Variants in GCNT1 observed in about 807,000 individuals in gnomAD.
The protein encoded by GCNT1 is beta-1,3-galactosyl-O-glycosyl-glycoprotein beta-1,6-N-acetylglucosaminyltransferase.
In GCNT1, 16 loss-of-function variants were observed where a neutral mutation model predicts 26.2. The observed-to-expected ratio is 0.61, with a 90% CI of 0.41 to 0.93. GCNT1 has a LOEUF of 0.93. GCNT1 is among the 40% of genes least tolerant of loss of function. GCNT1 has a pLI of 0.00. For synonymous variants in GCNT1, 183 were observed against 190.8 expected (o/e 0.96, Z 0.34); for missense variants, 477 against 526.7 (o/e 0.91, Z 0.92).
chr9:76,394,253 G>A, the GCNT1 span: 1 of 1,410,486 alleles, frequency 7.1e-7, no homozygotes, highest in Non-Finnish European at 9.6e-7. Flanking sequence ...CCAGACCCCG[G>A]ACCAGCCGGG....
At chr9:76,439,125 A>G (rs908937649), upstream of GCNT1, among the ~76,000 whole-genome samples, 3 of 152,204 alleles carry the variant, frequency 2.0e-5, no homozygotes, top group African/African-American at 7.2e-5. Context: ...TTCCCAGACC[A>G]GTAGCTTCAG....
upstream of GCNT1, among the ~76,000 whole-genome samples, chr9:76,415,271 G>A (rs1317733921): frequency 6.6e-6 from 1 of 152,058 alleles, no homozygotes; most frequent in Non-Finnish European, 1.5e-5. Flanking sequence ...TGCTCAGGCT[G>A]GTCTTGAATT....
At chr9:76,486,784 G>A (rs1824589014) in intron 2 of GCNT1, among the ~76,000 whole-genome samples, 1 of 152,126 alleles carries the variant, frequency 6.6e-6, no homozygotes, top group African/African-American at 2.4e-5. Flanking sequence ...CAAAAGAGAA[G>A]AAAGAATAGG....
At chr9:76,393,965 G>A in the GCNT1 span, 4 of 818,726 alleles carry the variant, frequency 4.9e-6, no homozygotes, top group African/African-American at 1.8e-5. Context: ...GATGCGGGAG[G>A]AGGAAGGGTG....
intron 2 of GCNT1, among the ~76,000 whole-genome samples, chr9:76,462,163 G>C (rs1246674870): frequency 2.0e-5 from 3 of 149,794 alleles, no homozygotes; most frequent in Admixed American, 2.0e-4. Flanking sequence ...TTTTTATAGA[G>C]CCAACCAAGG....
the GCNT1 span, among the ~76,000 whole-genome samples, chr9:76,402,599 T>A: frequency 6.6e-6 from 1 of 152,176 alleles, no homozygotes; most frequent in Admixed American, 6.5e-5. Context: ...GATCACCTTT[T>A]CTGAAAGAGT....
chr9:76,415,268 G>A (rs902655014), upstream of GCNT1, among the ~76,000 whole-genome samples: 1 of 152,076 alleles, frequency 6.6e-6, no homozygotes, highest in African/African-American at 2.4e-5. Flanking sequence ...TGTTGCTCAG[G>A]CTGGTCTTGA....
chr9:76,393,947 G>T, the GCNT1 span: 2 of 739,138 alleles, frequency 2.7e-6, no homozygotes, highest in Admixed American at 2.9e-5. Context: ...CTCCGCCACA[G>T]ACAAGGGGAT....
At chr9:76,482,570 G>A (rs955479216) in intron 2 of GCNT1, among the ~76,000 whole-genome samples, 2 of 151,850 alleles carry the variant, frequency 1.3e-5, no homozygotes, top group Admixed American at 6.6e-5. Flanking sequence ...CTTGCAGTGA[G>A]CCAAGATTGC....
chr9:76,493,355 C>G (rs1824803391), intron 2 of GCNT1, among the ~76,000 whole-genome samples: 1 of 152,178 alleles, frequency 6.6e-6, no homozygotes, highest in South Asian at 2.1e-4. Flanking sequence ...CAGCTGAAGC[C>G]ACATTCCTTT....
intron 1 of GCNT1, among the ~76,000 whole-genome samples, chr9:76,425,463 T>G (rs1823248435): frequency 6.6e-6 from 1 of 152,102 alleles, no homozygotes; most frequent in Non-Finnish European, 1.5e-5. Context: ...CCTCAGGTGA[T>G]CCACCCACCT....
At chr9:76,459,610 C>T (rs1468061923) in intron 1 of GCNT1, among the ~76,000 whole-genome samples, 1 of 152,200 alleles carries the variant, frequency 6.6e-6, no homozygotes, top group African/African-American at 2.4e-5. Context: ...GAGGGGTTGG[C>T]TGCGGGCGTG....
At chr9:76,396,300 T>G in the GCNT1 span, among the ~76,000 whole-genome samples, 26 of 152,114 alleles carry the variant, frequency 1.7e-4, no homozygotes, top group Admixed American at 1.7e-3. Flanking sequence ...CCTAAACGTA[T>G]AAAAATGGGC....
Position 76,502,888 on chromosome 9 carries a change from C to T in GCNT1, c.507C>T (p.Ile169=), listed in dbSNP as rs1400208240. ...EDSYLAAVMG[I]ASCFSNVFVA... ...CCTATTTAGCTGCAGTGATGGGCATCGCTTCCTGTTTTAGTAATGTCTTTG... is the reference window on the plus strand; with the variant it reads ...CCTATTTAGCTGCAGTGATGGGCATTGCTTCCTGTTTTAGTAATGTCTTTG... The change falls in exon 4 of 4, where the codon ATC becomes ATT. Residue 169 remains isoleucine (I), a synonymous_variant. Coordinates refer to ENST00000376730, the MANE Select transcript of GCNT1 (RefSeq NM_001490.5). 10 of 1,613,866 alleles carry T rather than the reference C, an allele frequency of 6.2e-6. No individual in the cohort carries two copies. The highest frequency in any genetic ancestry group is 1.6e-4 in the Middle Eastern group (1 of 6,082).
At chr9:76,440,487 G>A (rs1362208911), upstream of GCNT1, among the ~76,000 whole-genome samples, 1 of 152,192 alleles carries the variant, frequency 6.6e-6, no homozygotes, top group Non-Finnish European at 1.5e-5. Context: ...CATGTTTCCA[G>A]TGTGTCCTCA....
At chr9:76,494,726 A>G (rs1484632668) in intron 2 of GCNT1, among the ~76,000 whole-genome samples, 2 of 152,158 alleles carry the variant, frequency 1.3e-5, no homozygotes, top group Admixed American at 6.6e-5. Context: ...AGAGAGCAAG[A>G]AGTTTGTCTG....
chr9:76,505,064 T>C lies in GCNT1; in HGVS notation c.*1396T>C, dbSNP rs1825202387. ...AAAAGAAATTCTCGTACTTTTGCCATGTTGATACTGTTCAGCAAACAAGCT... is the reference window on the plus strand; with the variant it reads ...AAAAGAAATTCTCGTACTTTTGCCACGTTGATACTGTTCAGCAAACAAGCT... On this transcript the variant is annotated 3_prime_UTR_variant, in exon 4 of 4. Coordinates refer to ENST00000376730, the MANE Select transcript of GCNT1 (RefSeq NM_001490.5). 7.3e-6 allele frequency: 3 copies of C among 412,312 alleles called. No homozygotes were observed. The highest frequency in any genetic ancestry group is 1.3e-5 in the Non-Finnish European group (3 of 225,996). The allele number at this position is 412,312 out of a possible 1,614,324, so 25.5% of individuals were successfully genotyped here.
chr9:76,432,399 G>A (rs1241264504), intron 1 of GCNT1, among the ~76,000 whole-genome samples: 1 of 152,112 alleles, frequency 6.6e-6, no homozygotes, highest in African/African-American at 2.4e-5. Context: ...CTCAAATGCA[G>A]TGGTGTAATC....
the GCNT1 span, among the ~76,000 whole-genome samples, chr9:76,397,128 A>T: frequency 1.1e-4 from 16 of 152,156 alleles, no homozygotes; most frequent in Non-Finnish European, 1.9e-4. Context: ...CTAAAAATAC[A>T]AAAATTAGCC....
Sources: allele counts gnomAD v4.1 joint callset (sites outside exome capture counted in the v4.1 genomes callset), GRCh38; gene constraint gnomAD v4.1.1; transcripts MANE v1.5; gene names NCBI Gene and HGNC (gene_info 2026-07-23, HGNC 2026-07-21).